RGL1: variants seen among roughly 807,000 people sequenced by gnomAD.
RGL1 encodes the protein ral guanine nucleotide dissociation stimulator-like 1.
In RGL1, 24 loss-of-function variants were observed where a neutral mutation model predicts 95.2. That is an observed-to-expected ratio of 0.25 (90% CI 0.18 to 0.35). The LOEUF (loss-of-function observed/expected upper bound fraction) is 0.35, where lower values mean the gene tolerates loss of function less well. Among genes scored for constraint, RGL1 ranks in the 10% least tolerant of loss-of-function variants. The probability of loss-of-function intolerance (pLI) is 1.00; values close to 1 mark genes in which losing one functional copy is unlikely to be tolerated. For synonymous variants in RGL1, 329 were observed against 344.9 expected (o/e 0.95, Z 0.51); for missense variants, 715 against 936.3 (o/e 0.76, Z 3.08).
intron 2 of RGL1, among the ~76,000 whole-genome samples, chr1:183,827,173 T>C (rs755164962): frequency 1.3e-5 from 2 of 152,246 alleles, no homozygotes; most frequent in Non-Finnish European, 2.9e-5. Flanking sequence ...TCCACCTGCC[T>C]CCACCTCCCA....
In RGL1 at chr1:183,829,464, G is replaced by A. The variant is rs187614765; in HGVS notation, c.139-18102G>A. On this transcript the variant is annotated intron_variant, in intron 2 of 17. Coordinates refer to ENST00000360851, the MANE Select transcript of RGL1 (RefSeq NM_001297671.3). Reference sequence around the variant, plus strand: ...TAAAAAAAAAAAAAAAAAGTAGATCGTGATCAACATTTAGGAAATTTTGCT... The same window carrying A: ...TAAAAAAAAAAAAAAAAAGTAGATCATGATCAACATTTAGGAAATTTTGCT... Among the ~76,000 whole-genome samples the A allele has an allele frequency of 1.4e-3, 216 of 149,142 alleles. 1 individual carries two copies. Among genetic ancestry groups the A allele is most frequent in the South Asian group, 7.3e-3 (34 of 4,678 alleles).
At chr1:183,701,209 T>G (rs1217630284) in intron 1 of RGL1, among the ~76,000 whole-genome samples, 1 of 152,200 alleles carries the variant, frequency 6.6e-6, no homozygotes, top group African/African-American at 2.4e-5. Context: ...AGATCCTAGG[T>G]TTTGGTTTTG....
At chr1:183,898,201 G>T (rs139111770) in intron 10 of RGL1, among the ~76,000 whole-genome samples, 1 of 152,058 alleles carries the variant, frequency 6.6e-6, no homozygotes, top group Non-Finnish European at 1.5e-5. Context: ...AGTCTCTTCC[G>T]CCCCCTCCTG....
chr1:183,774,623 C>T (rs1209895303), intron 2 of RGL1, among the ~76,000 whole-genome samples: 1 of 132,318 alleles, frequency 7.6e-6, no homozygotes, highest in East Asian at 2.1e-4. Context: ...GTTTCCCAGG[C>T]TGGAGTGCAC....
chr1:183,689,102 G>A (rs1203678731), intron 1 of RGL1, among the ~76,000 whole-genome samples: 1 of 152,058 alleles, frequency 6.6e-6, no homozygotes, highest in East Asian at 1.9e-4. Context: ...CCAATAAAAT[G>A]AATGTTGAGT....
chr1:183,901,617 G>A (rs1668029568), intron 11 of RGL1, among the ~76,000 whole-genome samples: 1 of 152,094 alleles, frequency 6.6e-6, no homozygotes, highest in East Asian at 1.9e-4. Context: ...TTTTCTTTTT[G>A]TATTGCTGCC....
chr1:183,700,746 A>C (rs532281560), intron 1 of RGL1, among the ~76,000 whole-genome samples: 1 of 152,138 alleles, frequency 6.6e-6, no homozygotes, highest in East Asian at 1.9e-4. Flanking sequence ...GGGTTTCACC[A>C]TGTTGGTCAG....
intron 14 of RGL1, among the ~76,000 whole-genome samples, chr1:183,909,677 G>A (rs778472534): frequency 1.6e-4 from 25 of 152,096 alleles, no homozygotes; most frequent in Non-Finnish European, 2.8e-4. Context: ...TGGAATTCAA[G>A]CATATAATTC....
intron 1 of RGL1, among the ~76,000 whole-genome samples, chr1:183,691,434 G>T (rs1015898590): frequency 2.6e-5 from 4 of 152,160 alleles, no homozygotes; most frequent in Non-Finnish European, 5.9e-5. Context: ...GAAGGAAAGA[G>T]ATCTATGAAA....
rs1441423299 is a variant in RGL1 at position 183,878,146 on chromosome 1, TTCTTTCTATCTATCTATCTA to T, written c.426-2466_426-2447del. 2.9e-4 allele frequency among the ~76,000 whole-genome samples: 28 copies of T among 97,376 alleles called. 2 individuals are homozygous for T. The highest frequency in any genetic ancestry group is 9.6e-4 in the East Asian group (3 of 3,114). The allele number at this position is 97,376 out of a possible 152,430, so 63.9% of individuals were successfully genotyped here. On this transcript the variant is annotated intron_variant, in intron 4 of 17. Transcript: ENST00000360851. ...CTCAGTAAAAAAGCCCATGTTGATT[TTCTTTCTATCTATCTATCTA>T]TCTATCTATCTATCTATCTATCTAT...
chr1:183,769,742 C>T (rs1214359040), intron 2 of RGL1, among the ~76,000 whole-genome samples: 1 of 152,202 alleles, frequency 6.6e-6, no homozygotes, highest in Non-Finnish European at 1.5e-5. Context: ...GGCTGAGACC[C>T]AAAATTTTGG....
intron 1 of RGL1, among the ~76,000 whole-genome samples, chr1:183,728,477 A>G (rs560892144): frequency 6.6e-6 from 1 of 152,284 alleles, no homozygotes; most frequent in Admixed American, 6.5e-5. Flanking sequence ...TAAAACCCCT[A>G]CCCTGAAAAC....
intron 3 of RGL1, among the ~76,000 whole-genome samples, chr1:183,859,354 G>A (rs1349697012): frequency 6.6e-6 from 1 of 152,234 alleles, no homozygotes; most frequent in Non-Finnish European, 1.5e-5. Flanking sequence ...TGAGATATAA[G>A]TTGTGGCAGG....
chr1:183,910,307 G>A (rs543562947), intron 14 of RGL1, among the ~76,000 whole-genome samples: 1 of 152,272 alleles, frequency 6.6e-6, no homozygotes, highest in East Asian at 1.9e-4. Flanking sequence ...CACGTTGCCT[G>A]GAGTGGTCTT....
intron 1 of RGL1, among the ~76,000 whole-genome samples, chr1:183,665,354 T>G (rs1461177220): frequency 6.6e-6 from 1 of 150,618 alleles, no homozygotes; most frequent in Non-Finnish European, 1.5e-5. Context: ...GTAGTTTTCT[T>G]GTAATGTCTT....
intron 2 of RGL1, among the ~76,000 whole-genome samples, chr1:183,792,031 C>T (rs1005650171): frequency 8.5e-5 from 13 of 152,118 alleles, no homozygotes; most frequent in African/African-American, 2.7e-4. Context: ...TACCACTCTT[C>T]AATATATCCA....
At chr1:183,695,646 T>A (rs1473182020) in intron 1 of RGL1, among the ~76,000 whole-genome samples, 2 of 152,276 alleles carry the variant, frequency 1.3e-5, no homozygotes, top group Non-Finnish European at 2.9e-5. Context: ...CAGTGATTTT[T>A]AAATATTCTG....
intron 2 of RGL1, among the ~76,000 whole-genome samples, chr1:183,839,037 C>A (rs1663856187): frequency 6.6e-6 from 1 of 152,164 alleles, no homozygotes; most frequent in South Asian, 2.1e-4. Context: ...GTGAAGATTT[C>A]TTCTGGTTTC....
At chr1:183,643,263 T>TTTATTTA (rs1491477621) in intron 1 of RGL1, among the ~76,000 whole-genome samples, 1 of 64,370 alleles carries the variant, frequency 1.6e-5, no homozygotes, top group African/African-American at 9.9e-5. Flanking sequence ...GTCCTGTTTT[T>TTTATTTA]TTATTTATTT....
Sources: allele counts gnomAD v4.1 joint callset (sites outside exome capture counted in the v4.1 genomes callset), GRCh38; gene constraint gnomAD v4.1.1; transcripts MANE v1.5; gene names NCBI Gene and HGNC (gene_info 2026-07-23, HGNC 2026-07-21).